The following ARHGEF10 variants were observed in gnomAD, a reference collection of about 807,000 sequenced individuals.
ARHGEF10 encodes the protein Rho guanine nucleotide exchange factor (GEF) 10.
Under a neutral mutation model 147.4 loss-of-function variants are expected in ARHGEF10, and 140 were observed. The ratio of observed to expected loss-of-function variants is 0.95; its 90% CI spans 0.83 to 1.09. The LOEUF is 1.09. ARHGEF10 is among the 50% of genes least tolerant of loss of function. ARHGEF10 has a pLI of 0.00. For missense variants in ARHGEF10, 2,222 were observed against 1,752.7 expected (o/e 1.27, Z -4.78); for synonymous variants, 902 against 695.8 (o/e 1.30, Z -4.67).
At chr8:1,883,562 G>C (rs1248554924) in intron 10 of ARHGEF10, among the ~76,000 whole-genome samples, 4 of 152,162 alleles carry the variant, frequency 2.6e-5, no homozygotes, top group Non-Finnish European at 5.9e-5. Context: ...GGTATGACAT[G>C]GTGTAACTCA....
intron 17 of ARHGEF10, among the ~76,000 whole-genome samples, 175 bp from the exon 18 acceptor site, chr8:1,909,120 T>C (rs1019879071): frequency 1.3e-5 from 2 of 152,226 alleles, no homozygotes; most frequent in Non-Finnish European, 2.9e-5. Flanking sequence ...GGCCTCTTTA[T>C]GGCAGCAAGT....
intron 19 of ARHGEF10, 143 bp downstream of exon 19, chr8:1,923,222 T>A: frequency 1.2e-6 from 1 of 855,416 alleles, no homozygotes; most frequent in Non-Finnish European, 1.8e-6. Context: ...TTCTCTTACG[T>A]TAGATAAGGT....
chr8:1,883,305 C>T (rs544565621), intron 10 of ARHGEF10, among the ~76,000 whole-genome samples: 20 of 152,132 alleles, frequency 1.3e-4, no homozygotes, highest in Non-Finnish European at 2.8e-4. Context: ...ATTTACCGTC[C>T]GAGGAGACTT....
At chr8:1,890,790 G>A (rs1339226491) in intron 11 of ARHGEF10, among the ~76,000 whole-genome samples, 1 of 151,810 alleles carries the variant, frequency 6.6e-6, no homozygotes, top group Non-Finnish European at 1.5e-5. Flanking sequence ...ACATATCAGA[G>A]GAAAGAGGTT....
At chr8:1,834,613 C>T (rs888731093) in intron 1 of ARHGEF10, among the ~76,000 whole-genome samples, 3 of 152,314 alleles carry the variant, frequency 2.0e-5, no homozygotes, top group African/African-American at 2.4e-5. Flanking sequence ...ATCCCCTTTC[C>T]GTAAGCATTG....
chr8:1,945,095 G>A (rs1366119695), intron 26 of ARHGEF10, among the ~76,000 whole-genome samples: 6 of 152,274 alleles, frequency 3.9e-5, no homozygotes, highest in South Asian at 2.1e-4. Flanking sequence ...CAGGCAGGCA[G>A]TGGGGCCCCA....
In ARHGEF10 at chr8:1,843,553, G is replaced by A. The variant is rs973822213; in HGVS notation, c.37+117G>A. ...CACTGGGGTATGGGGTGGAGTGAGA[G>A]CTTCTTGGGAGAAAGAGAAGGTTCT... On this transcript the variant is annotated intron_variant, in intron 2 of 28. Coordinates refer to ENST00000349830, the MANE Select transcript of ARHGEF10 (RefSeq NM_014629.4). 1.2e-5 allele frequency: 10 copies of A among 806,736 alleles called. No individual in the cohort carries two copies. The African/African-American group carries it at 1.4e-4, about 11-fold the overall frequency. The allele number at this position is 806,736 out of a possible 1,614,324, so 50.0% of individuals were successfully genotyped here.
At chr8:1,876,877 G>A in intron 8 of ARHGEF10, 143 bp downstream of exon 8, 1 of 919,772 alleles carries the variant, frequency 1.1e-6, no homozygotes, top group South Asian at 1.4e-5. Context: ...ATAAGATATT[G>A]GCAAAGGAGA....
chr8:1,944,322 C>T (rs931208447), intron 26 of ARHGEF10, among the ~76,000 whole-genome samples: 1 of 151,510 alleles, frequency 6.6e-6, no homozygotes, highest in African/African-American at 2.4e-5. Flanking sequence ...AGCTCTCAGG[C>T]CCTGCAGCGC....
At position 1,839,870 on chromosome 8, in the gene ARHGEF10, C is replaced by G. The variant is rs555041575; in HGVS notation, c.-47-3483C>G. On this transcript the variant is annotated intron_variant, in intron 1 of 28. Transcript: ENST00000349830. ...GGAAGCTGTCTGGTGTGGGGACTGT[C>G]TGGTGTGGAAACTGTCTGGTGTGGG... Among the ~76,000 whole-genome samples the G allele has an allele frequency of 2.7e-5, 4 of 146,534 alleles. No individual in the cohort carries two copies. In the East Asian group the frequency reaches 6.2e-4, roughly 23 times the overall value.
At chr8:1,903,922 C>T (rs575094772) in intron 16 of ARHGEF10, 2 of 198,126 alleles carry the variant, frequency 1.0e-5, no homozygotes, top group South Asian at 1.8e-4. Context: ...AGTGAGAACC[C>T]ATATCTAAAA....
At position 1,957,891 on chromosome 8, in the gene ARHGEF10, T is replaced by C. The variant is rs1041294172; in HGVS notation, c.*628T>C. Reference sequence around the variant, plus strand: ...AACAAAGTAATATTTTTGTATTGCATTTTTCTATTAAAAAATTAACAGTTA... The same window carrying C: ...AACAAAGTAATATTTTTGTATTGCACTTTTCTATTAAAAAATTAACAGTTA... On this transcript the variant is annotated 3_prime_UTR_variant, in exon 29 of 29. Transcript: ENST00000349830. The C allele has an allele frequency of 2.0e-5, 3 of 152,324 alleles. No individual in the cohort carries two copies. Among genetic ancestry groups the C allele is most frequent in the African/African-American group, 7.2e-5 (3 of 41,464 alleles). The allele number at this position is 152,324 out of a possible 1,614,324, so 9.4% of individuals were successfully genotyped here.
chr8:1,920,507 A>C (rs1257862507), intron 18 of ARHGEF10, among the ~76,000 whole-genome samples: 1 of 139,342 alleles, frequency 7.2e-6, no homozygotes, highest in Non-Finnish European at 1.6e-5. Context: ...TTTAAACTCT[A>C]TGTTTTTGGT....
At chr8:1,879,637 C>G (rs1563219624) in intron 8 of ARHGEF10, among the ~76,000 whole-genome samples, 1 of 151,822 alleles carries the variant, frequency 6.6e-6, no homozygotes, top group Non-Finnish European at 1.5e-5. Flanking sequence ...ACTGCAGCCT[C>G]CACTTCCCAG....
rs77919627 is a variant in ARHGEF10 at position 1,855,505 on chromosome 8, C to T, written c.38-2455C>T. ...CAGGTGATCCTCCCACCTCAGCCTT[C>T]GGAGTAGGTGGGACCACAGGTCCAC... On this transcript the variant is annotated intron_variant, in intron 2 of 28. Coordinates refer to ENST00000349830, the MANE Select transcript of ARHGEF10 (RefSeq NM_014629.4). Among the ~76,000 whole-genome samples, 1,028 of 151,648 alleles carry T rather than the reference C, an allele frequency of 6.8e-3. 19 individuals are homozygous for T. The highest frequency in any genetic ancestry group is 0.062 in the East Asian group (320 of 5,152).
In ARHGEF10 at chr8:1,922,945, C is replaced by G; in HGVS notation, c.2144-19C>G. On this transcript the variant is annotated intron_variant, in intron 18 of 28. Coordinates refer to ENST00000349830, the MANE Select transcript of ARHGEF10 (RefSeq NM_014629.4). ...CTTTACCTTTGTATTCTTTTTTTTTCTTTTTGCTTATTTTGTAGACAAAGT... is the reference window on the plus strand; with the variant it reads ...CTTTACCTTTGTATTCTTTTTTTTTGTTTTTGCTTATTTTGTAGACAAAGT... 6.5e-7 allele frequency: 1 copy of G among 1,531,686 alleles called. No individual in the cohort carries two copies. The highest frequency in any genetic ancestry group is 9.0e-7 in the Non-Finnish European group (1 of 1,114,400). The allele number at this position is 1,531,686 out of a possible 1,614,324, so 94.9% of individuals were successfully genotyped here. A position where few individuals can be genotyped will look rare whatever the true frequency, so the allele number is the denominator to read the frequency against.
intron 7 of ARHGEF10, among the ~76,000 whole-genome samples, chr8:1,872,815 A>T (rs1807240282): frequency 6.6e-6 from 1 of 152,208 alleles, no homozygotes; most frequent in African/African-American, 2.4e-5. Flanking sequence ...GGGCAGTTAC[A>T]TACCGAATAG....
intron 8 of ARHGEF10, among the ~76,000 whole-genome samples, chr8:1,879,697 C>T (rs1467317950): frequency 1.3e-5 from 2 of 151,906 alleles, no homozygotes; most frequent in African/African-American, 2.4e-5. Flanking sequence ...GGATCACAGG[C>T]GCGCACCACC....
rs545978765 is a variant in ARHGEF10, at chr8:1,884,336, C to T, written c.1076-1265C>T. Among the ~76,000 whole-genome samples, 374 of 150,962 alleles carry T rather than the reference C, an allele frequency of 2.5e-3. 3 individuals carry two copies. Among genetic ancestry groups the T allele is most frequent in the Non-Finnish European group, 5.9e-4 (40 of 67,872 alleles). On this transcript the variant is annotated intron_variant, in intron 10 of 28. Transcript: ENST00000349830. ...GCGTGAACCCGGGAGGCGGAGCTTGCAGTGAGCCGAGATTGCGCCACTGCA... is the reference window on the plus strand; with the variant it reads ...GCGTGAACCCGGGAGGCGGAGCTTGTAGTGAGCCGAGATTGCGCCACTGCA...
Sources: allele counts gnomAD v4.1 joint callset (sites outside exome capture counted in the v4.1 genomes callset), GRCh38; gene constraint gnomAD v4.1.1; transcripts MANE v1.5; gene names NCBI Gene and HGNC (gene_info 2026-07-23, HGNC 2026-07-21).